The following ABCA12 variants were observed in gnomAD, a reference collection of about 807,000 sequenced individuals.
The protein encoded by ABCA12 is ATP binding cassette subfamily A member 12, also known as glucosylceramide transporter ABCA12.
A neutral mutation model predicts 293.5 loss-of-function variants in ABCA12; 156 were observed. That is an observed-to-expected ratio of 0.53 (90% CI 0.47 to 0.61). ABCA12 has a LOEUF of 0.61. Among genes scored for constraint, ABCA12 ranks in the 20% least tolerant of loss-of-function variants. The pLI, the probability that ABCA12 is intolerant of heterozygous loss-of-function variation, is 0.00. For missense variants in ABCA12, 2,797 were observed against 3,090.2 expected (o/e 0.91, Z 2.25); for synonymous variants, 1,063 against 1,108.0 (o/e 0.96, Z 0.81).
At chr2:215,006,037 T>TAAGC (rs67432877) in intron 19 of ABCA12, among the ~76,000 whole-genome samples, 2 of 80 alleles carry the variant, frequency 0.025, no homozygotes, top group Non-Finnish European at 0.048. Context: ...TTTACAATAT[T>TAAGC]ATTTCCTCAA....
At position 214,978,926 on chromosome 2, in the gene ABCA12, C is replaced by T. The variant is rs1195792230; in HGVS notation, c.4855G>A (p.Val1619Ile). 3 of 1,613,930 alleles carry T rather than the reference C, an allele frequency of 1.9e-6. No homozygotes were observed. The highest frequency in any genetic ancestry group is 2.5e-6 in the Non-Finnish European group (3 of 1,179,998). Reference sequence around the variant, plus strand: ...ACTTTGGTGCTGAATGGAGGAAGTACATAAACAAGCTCTCCCCCAATATCC... The same window carrying T: ...ACTTTGGTGCTGAATGGAGGAAGTATATAAACAAGCTCTCCCCCAATATCC... ...KEDIGGELVY[V>I]LPPFSTKVSG... The change falls in exon 32 of 53, where the codon GTA becomes ATA. Residue 1619 changes from valine to isoleucine, a missense_variant. By Grantham distance (29) the Val-to-Ile change is conservative. This residue lies in a region of ABCA12 where 2,130 missense variants were observed against 2,427.0 expected (regional missense o/e 0.88). Transcript: ENST00000272895.
chr2:215,004,176 T>C (rs1385888031), intron 20 of ABCA12, 33 bp downstream of exon 20: 2 of 1,543,060 alleles, frequency 1.3e-6, no homozygotes, highest in South Asian at 2.2e-5. Context: ...CCGACATGAC[T>C]CATGAATAAA....
intron 33 of ABCA12, 129 bp from the exon 34 acceptor site, chr2:214,976,166 G>T (rs1699512908): frequency 7.0e-6 from 9 of 1,277,710 alleles, no homozygotes; most frequent in African/African-American, 4.5e-5. Context: ...TGGATTTGAG[G>T]TTCAGCAATG....
At chr2:214,960,633 AT>A (rs1236357481) in intron 39 of ABCA12, 2 of 152,118 alleles carry the variant, frequency 1.3e-5, no homozygotes, top group Non-Finnish European at 2.9e-5. Context: ...TAAAATTTCA[AT>A]TAATATTTTT....
chr2:215,036,866 A>G (rs1427836195), intron 8 of ABCA12, 87 bp downstream of exon 8: 3 of 1,146,248 alleles, frequency 2.6e-6, no homozygotes, highest in South Asian at 2.5e-5. Context: ...TATCATCTCT[A>G]CATGATTACT....
intron 9 of ABCA12, 137 bp from the exon 10 acceptor site, chr2:215,027,075 T>A: frequency 1.5e-6 from 1 of 652,740 alleles, no homozygotes; most frequent in South Asian, 1.7e-5. Flanking sequence ...CCGGGCGCGG[T>A]GGCTCACGCC....
At chr2:215,129,563 T>A in intron 1 of ABCA12, among the ~76,000 whole-genome samples, 1 of 152,220 alleles carries the variant, frequency 6.6e-6, no homozygotes, top group East Asian at 1.9e-4. Context: ...CTTTGCCCAG[T>A]TTCTAATGGG....
In ABCA12 at chr2:215,034,105, A is replaced by G. The variant is rs146454877; in HGVS notation, c.986-2209T>C. Reference sequence around the variant, plus strand: ...CTAAAAATGTAATTTTATATAATGTACTATTTTGCAAAAGAGCAAATTCCA... The same window carrying G: ...CTAAAAATGTAATTTTATATAATGTGCTATTTTGCAAAAGAGCAAATTCCA... On this transcript the variant is annotated intron_variant, in intron 8 of 52. Coordinates refer to ENST00000272895, the MANE Select transcript of ABCA12 (RefSeq NM_173076.3). Among the ~76,000 whole-genome samples, 1,463 of 152,264 alleles carry G rather than the reference A, an allele frequency of 9.6e-3. 22 individuals are homozygous for G. The highest frequency in any genetic ancestry group is 0.014 in the Non-Finnish European group (971 of 68,018).
At chr2:214,994,725 G>A (rs995459855) in intron 23 of ABCA12, among the ~76,000 whole-genome samples, 2 of 152,168 alleles carry the variant, frequency 1.3e-5, no homozygotes, top group Admixed American at 1.3e-4. Context: ...CACTGGTGGG[G>A]TGGATTAATG....
rs549739362 is a variant in ABCA12 at position 215,007,602 on chromosome 2, G to A, written c.2592+125C>T. ...TTACCCTGTCTCAGACCTTCTCTCT[G>A]GAAGAGAGGCAATTTAATCTGTTGA... On this transcript the variant is annotated intron_variant, in intron 19 of 52. Coordinates refer to ENST00000272895, the MANE Select transcript of ABCA12 (RefSeq NM_173076.3). 5.8e-5 allele frequency: 74 copies of A among 1,268,772 alleles called. No individual in the cohort carries two copies. In the African/African-American group the frequency reaches 1.0e-3, roughly 17 times the overall value. 78.6% of individuals were successfully genotyped at this position (1,268,772 alleles called of 1,614,324 possible).
chr2:215,058,721 G>A (rs570167741), intron 3 of ABCA12, among the ~76,000 whole-genome samples: 4 of 152,006 alleles, frequency 2.6e-5, no homozygotes, highest in African/African-American at 9.6e-5. Flanking sequence ...CATGGCTAAG[G>A]GCCACTCCTC....
At position 214,980,645 on chromosome 2, in the gene ABCA12, T is replaced by C; in HGVS notation, c.4580-2A>G. 6.2e-7 allele frequency: 1 copy of C among 1,614,050 alleles called. No individual in the cohort carries two copies. The highest frequency in any genetic ancestry group is 8.5e-7 in the Non-Finnish European group (1 of 1,179,956). On this transcript the variant is annotated splice_acceptor_variant, in intron 30 of 52. Transcript: ENST00000272895. LOFTEE classifies it high-confidence loss of function. ...GCGTTGACAGAATGATTGTTCTGGC[T>C]TGAAAATACAGACAAGAACAACAGG...
rs1021008360 is a variant in ABCA12, at chr2:214,937,623, G to T, written c.7437-8C>A. On this transcript the variant is annotated splice_polypyrimidine_tract_variant and splice_region_variant and intron_variant, in intron 50 of 52. Coordinates refer to ENST00000272895, the MANE Select transcript of ABCA12 (RefSeq NM_173076.3). ...GTAAATCCTCGTCCAAACCTAGAAA[G>T]AAAAAGTGCAAAATATGATATGAAT... is the stretch of plus-strand genomic sequence containing the variant. 7 of 1,607,078 alleles carry T rather than the reference G, an allele frequency of 4.4e-6. No individual in the cohort carries two copies. Among genetic ancestry groups the T allele is most frequent in the Admixed American group, 1.7e-5 (1 of 59,932 alleles).
intron 18 of ABCA12, 105 bp from the exon 19 acceptor site, chr2:215,007,951 T>A: frequency 6.9e-7 from 1 of 1,441,262 alleles, no homozygotes; most frequent in Non-Finnish European, 9.6e-7. Flanking sequence ...AAGACAGTTC[T>A]AAAACATGAA....
Position 214,942,937 on chromosome 2 carries a change from T to C in ABCA12, c.7424A>G (p.His2475Arg). 1.2e-6 allele frequency: 2 copies of C among 1,613,202 alleles called. No homozygotes were observed. The highest frequency in any genetic ancestry group is 1.7e-6 in the Non-Finnish European group (2 of 1,179,604). ...ATTTGTTCTTCACCTGCTCTTTATG[T>C]GCTGCAAAGATCCAATACATTGAAA... ...GKFQCIGSLQ[H>R]IKSRFGRGFT... Residue 2475 changes from histidine (H) to arginine (R), a missense_variant, in exon 50 of 53, where the codon CAC (histidine) becomes CGC (arginine). Coordinates refer to ENST00000272895, the MANE Select transcript of ABCA12 (RefSeq NM_173076.3).
intron 22 of ABCA12, chr2:214,999,753 G>A: frequency 2.1e-6 from 2 of 974,656 alleles, no homozygotes; most frequent in Non-Finnish European, 2.4e-6. Flanking sequence ...ACAATAGCCA[G>A]CTAACCTTGA....
At position 214,958,391 on chromosome 2, in the gene ABCA12, G is replaced by T; in HGVS notation, c.6003C>A (p.Thr2001=). 6.2e-7 allele frequency: 1 copy of T among 1,613,980 alleles called. No individual in the cohort carries two copies. The highest frequency in any genetic ancestry group is 1.6e-4 in the Middle Eastern group (1 of 6,062). Residue 2001 remains threonine (T), a synonymous_variant, in exon 41 of 53, where the codon ACC becomes ACA. Coordinates refer to ENST00000272895, the MANE Select transcript of ABCA12 (RefSeq NM_173076.3). The stretch of plus-strand genomic sequence containing the variant: ...TTACAACATAGGTGACAAAGCTGGC[G>T]GTGGTGACAGAGTAGCCCATCAAGA... The part of the protein sequence containing the change: ...LSILMGYSVT[T]ASFVTYVVRE...
chr2:214,981,009 C>T (rs1244225740), intron 30 of ABCA12, among the ~76,000 whole-genome samples: 1 of 150,918 alleles, frequency 6.6e-6, no homozygotes, highest in African/African-American at 2.4e-5. Flanking sequence ...CTCTTGAACC[C>T]GGGAGGTGGA....
At chr2:215,070,384 TA>T (rs774030828) in intron 2 of ABCA12, among the ~76,000 whole-genome samples, 2 of 152,112 alleles carry the variant, frequency 1.3e-5, no homozygotes, top group Non-Finnish European at 2.9e-5. Context: ...ATCTTTTTTT[TA>T]AATGTTTTTA....
Sources: gnomAD v4.1 joint callset for allele counts (sites outside exome capture counted in the v4.1 genomes callset) on GRCh38, gnomAD v4.1.1 for gene constraint, gnomAD v4.1.1 regional missense constraint, MANE v1.5 for transcripts, NCBI Gene and HGNC (gene_info 2026-07-23, HGNC 2026-07-21) for gene names.